SETD5: variants seen among roughly 807,000 people sequenced by gnomAD.
SETD5 encodes the protein SET domain containing 5.
SETD5 carries 44 observed loss-of-function variants against 153.3 expected under a neutral mutation model. That is an observed-to-expected ratio of 0.29 (90% CI 0.23 to 0.37). The LOEUF (loss-of-function observed/expected upper bound fraction) is 0.37, where lower values mean the gene tolerates loss of function less well. Among genes scored for constraint, SETD5 ranks in the 10% least tolerant of loss-of-function variants. SETD5 has a pLI of 1.00. For synonymous variants in SETD5, 716 were observed against 645.2 expected, an observed-to-expected ratio of 1.11 and a Z score of -1.66; for missense variants, 1,544 against 1,768.0, an observed-to-expected ratio of 0.87 and a Z score of 2.27.
chr3:9,415,497 AT>A (rs1455319754), intron 1 of SETD5, among the ~76,000 whole-genome samples: 1 of 152,126 alleles, frequency 6.6e-6, no homozygotes, highest in East Asian at 1.9e-4. Flanking sequence ...CATTTCAAAG[AT>A]TTTATTTTGC....
intron 1 of SETD5, among the ~76,000 whole-genome samples, chr3:9,409,986 T>A (rs2036300480): frequency 6.6e-6 from 1 of 152,216 alleles, no homozygotes; most frequent in Non-Finnish European, 1.5e-5. Context: ...TTCTCATGTC[T>A]TTTTGCCCTT....
At chr3:9,436,726 T>C (rs1381489564) in intron 7 of SETD5, 11 of 767,576 alleles carry the variant, frequency 1.4e-5, no homozygotes, top group Admixed American at 2.9e-5. Context: ...TTGTATTTTT[T>C]ACCTAGAGAA....
At position 9,428,886 on chromosome 3, in the gene SETD5, C is replaced by A; in HGVS notation, c.-53C>A. The stretch of plus-strand genomic sequence containing the variant: ...AGCTCACCCCCACTCTCAGAGTGGT[C>A]AGTCTCCATTAATTGGACCCCGTGA... On this transcript the variant is annotated 5_prime_UTR_variant, in exon 3 of 23. It introduces an in-frame stop codon into an upstream open reading frame of the 5' UTR. Transcript: ENST00000402198. The A allele has an allele frequency of 7.2e-7, 1 of 1,381,502 alleles. No homozygotes were observed. Among genetic ancestry groups the A allele is most frequent in the South Asian group, 1.2e-5 (1 of 82,352 alleles). The allele number at this position is 1,381,502 out of a possible 1,614,324, so 85.6% of individuals were successfully genotyped here.
chr3:9,469,350 A>T (rs2045026387), intron 18 of SETD5, among the ~76,000 whole-genome samples: 1 of 152,216 alleles, frequency 6.6e-6, no homozygotes. Flanking sequence ...TTAACTCTGA[A>T]TCTATTAATA....
chr3:9,418,243 A>G (rs866366122), intron 1 of SETD5, among the ~76,000 whole-genome samples: 13 of 152,238 alleles, frequency 8.5e-5, no homozygotes, highest in Middle Eastern at 3.4e-3. Context: ...ATTTGTTTGA[A>G]ACGAAGCACT....
At chr3:9,438,002 C>CAAA (rs35059227) in intron 7 of SETD5, among the ~76,000 whole-genome samples, 1 of 136,540 alleles carries the variant, frequency 7.3e-6, no homozygotes, top group African/African-American at 2.6e-5. Flanking sequence ...GACTCCATCT[C>CAAA]AAAAAAAAAA....
rs779641574 is a variant in SETD5 at position 9,440,418 on chromosome 3, A to G, written c.568-38A>G. On this transcript the variant is annotated intron_variant, in intron 7 of 22. Transcript: ENST00000402198. ...CCCATTCCCAACCCTCTATTTATGC[A>G]TGGACTTTACTAACCTCCCTGAATT... The G allele has an allele frequency of 3.5e-6, 4 of 1,129,678 alleles. No individual in the cohort carries two copies. In the African/African-American group the frequency reaches 6.1e-5, roughly 17 times the overall value. 70.0% of individuals were successfully genotyped at this position (1,129,678 alleles called of 1,614,324 possible). A position where few individuals can be genotyped will look rare whatever the true frequency, so the allele number is the denominator to read the frequency against.
At chr3:9,418,250 C>T (rs920730173) in intron 1 of SETD5, among the ~76,000 whole-genome samples, 1 of 152,154 alleles carries the variant, frequency 6.6e-6, no homozygotes, top group Non-Finnish European at 1.5e-5. Flanking sequence ...TGAAACGAAG[C>T]ACTCAAATCT....
rs1358768707 is a variant in SETD5 at position 9,473,332 on chromosome 3, G to A, written c.3292G>A (p.Gly1098Arg). ...TGCACAGAGCAAAAGCAAGTCTGCA[G>A]GAGCTGGGCAAGGCAGCAGTAACTC... ...DSAQSKSKSA[G>R]AGQGSSNSVS... is the part of the protein sequence containing the mutation. Residue 1098 changes from glycine (G) to arginine (R), a missense_variant, in exon 20 of 23, where the codon GGA (glycine) becomes AGA (arginine). This residue lies in a region of SETD5 where 93 missense variants were observed against 93.4 expected (regional missense o/e 1.00). Transcript: ENST00000402198. 3 of 1,613,990 alleles carry A rather than the reference G, an allele frequency of 1.9e-6. No individual in the cohort carries two copies. Among genetic ancestry groups the A allele is most frequent in the Non-Finnish European group, 2.5e-6 (3 of 1,179,904 alleles).
At chr3:9,444,229 T>C (rs1165463486) in intron 11 of SETD5, among the ~76,000 whole-genome samples, 1 of 152,200 alleles carries the variant, frequency 6.6e-6, no homozygotes, top group Non-Finnish European at 1.5e-5. Flanking sequence ...TAGATGAATA[T>C]GTGGGATTTT....
chr3:9,428,539 A>C (rs1160656581), intron 2 of SETD5, among the ~76,000 whole-genome samples: 1 of 152,238 alleles, frequency 6.6e-6, no homozygotes, highest in Non-Finnish European at 1.5e-5. Flanking sequence ...GGGCAGTTTT[A>C]GAATGGGGAG....
intron 16 of SETD5, among the ~76,000 whole-genome samples, chr3:9,449,305 T>C (rs1308180990): frequency 6.6e-6 from 1 of 152,200 alleles, no homozygotes; most frequent in Non-Finnish European, 1.5e-5. Flanking sequence ...TGGAATGCTC[T>C]TTCTTAATTC....
chr3:9,473,578 G>A (rs1412938209), intron 20 of SETD5, 41 bp downstream of exon 20: 2 of 1,548,898 alleles, frequency 1.3e-6, no homozygotes, highest in East Asian at 2.4e-5. Context: ...ATTGGGGGTG[G>A]GGGGGAGTAT....
Position 9,434,871 on chromosome 3 carries a change from A to G in SETD5, c.377A>G (p.Asp126Gly). 1 of 1,613,534 alleles carries G rather than the reference A, an allele frequency of 6.2e-7. No homozygotes were observed. The highest frequency in any genetic ancestry group is 8.5e-7 in the Non-Finnish European group (1 of 1,179,728). The change falls in exon 6 of 23, where the codon GAC becomes GGC. Residue 126 changes from aspartate (D) to glycine (G), a missense_variant. Asp to Gly is a moderately conservative substitution (Grantham distance 94, BLOSUM62 -1). Coordinates refer to ENST00000402198, the MANE Select transcript of SETD5 (RefSeq NM_001080517.3). The surrounding 1 kb of genome is among the most constrained non-coding windows in gnomAD (Gnocchi z 5.6). Reference sequence around the variant, plus strand: ...ATTAGACTTCATCGGCGGAAGCAGGACAACATATCAGGTGAGCGGAAGATG... The same window carrying G: ...ATTAGACTTCATCGGCGGAAGCAGGGCAACATATCAGGTGAGCGGAAGATG... ...KVIRLHRRKQ[D>G]NISGGDSSAT...
intron 7 of SETD5, among the ~76,000 whole-genome samples, chr3:9,438,712 A>C (rs1410576534): frequency 6.6e-6 from 1 of 152,206 alleles, no homozygotes; most frequent in African/African-American, 2.4e-5. Flanking sequence ...ACTTAATTGT[A>C]AATCAGGGTT....
Position 9,470,561 on chromosome 3 carries a change from G to T in SETD5, c.2827G>T (p.Asp943Tyr). The T allele has an allele frequency of 6.2e-7, 1 of 1,613,988 alleles. No homozygotes were observed. ...TTCCCTACTCAACTCAGGTCATTCT[G>T]ACCTGGCTCCTCATCCCTCCCTCGG... ...RPSLLNSGHS[D>Y]LAPHPSLGPT... is the part of the protein sequence containing the mutation. Residue 943 changes from aspartate (D) to tyrosine (Y), a missense_variant, in exon 19 of 23, where the codon GAC becomes TAC. Coordinates refer to ENST00000402198, the MANE Select transcript of SETD5 (RefSeq NM_001080517.3).
chr3:9,428,254 G>T (rs2039554031), intron 2 of SETD5, among the ~76,000 whole-genome samples: 1 of 152,142 alleles, frequency 6.6e-6, no homozygotes, highest in African/African-American at 2.4e-5. Context: ...TAGTTAAGAT[G>T]ATTTAAAAGA....
At chr3:9,412,966 G>A (rs1216811628) in intron 1 of SETD5, among the ~76,000 whole-genome samples, 1 of 151,804 alleles carries the variant, frequency 6.6e-6, no homozygotes, top group Non-Finnish European at 1.5e-5. Context: ...GGCCTCAAGA[G>A]ATTCTCATGC....
intron 15 of SETD5, 127 bp from the exon 16 acceptor site, chr3:9,448,261 G>T: frequency 7.2e-7 from 1 of 1,392,856 alleles, no homozygotes; most frequent in South Asian, 1.5e-5. Context: ...TTGTGTTCTA[G>T]TTGCTCAATT....
Sources: gnomAD v4.1 joint callset for allele counts (sites outside exome capture counted in the v4.1 genomes callset) on GRCh38, gnomAD v4.1.1 for gene constraint, gnomAD v4.1.1 regional missense constraint, Gnocchi (gnomAD v3.1) non-coding constraint, MANE v1.5 for transcripts, NCBI Gene and HGNC (gene_info 2026-07-23, HGNC 2026-07-21) for gene names.